Variants in BFSP1 observed in about 807,000 individuals in gnomAD.
The protein encoded by BFSP1 is beaded filament structural protein 1.
BFSP1 carries 38 observed loss-of-function variants against 43.9 expected under a neutral mutation model. The ratio of observed to expected loss-of-function variants is 0.87; its 90% confidence interval spans 0.67 to 1.14. The LOEUF is 1.14. Among genes scored for constraint, BFSP1 ranks in the 50% most tolerant of loss-of-function variants. The pLI, the probability that BFSP1 is intolerant of heterozygous loss-of-function variation, is 0.00. For synonymous variants in BFSP1, 352 were observed against 354.8 expected (o/e 0.99, Z 0.09); for missense variants, 850 against 875.1 (o/e 0.97, Z 0.36).
intron 1 of BFSP1, among the ~76,000 whole-genome samples, chr20:17,542,827 C>T (rs185877407): frequency 1.3e-5 from 2 of 152,266 alleles, no homozygotes; most frequent in Non-Finnish European, 2.9e-5. Context: ...GGTTTGTTTT[C>T]ATTTCTAGTT....
At chr20:17,536,747 A>G (rs992020062) in intron 1 of BFSP1, among the ~76,000 whole-genome samples, 3 of 152,198 alleles carry the variant, frequency 2.0e-5, no homozygotes, top group Admixed American at 1.3e-4. Flanking sequence ...AACAAAAGGT[A>G]ATGGAGGTAA....
At chr20:17,501,597 CA>C (rs11476559) in intron 5 of BFSP1, among the ~76,000 whole-genome samples, 5,546 of 70,168 alleles carry the variant, frequency 0.079, 194 homozygotes, top group East Asian at 0.26. Context: ...GAGACTCTGT[CA>C]AAAAAAAAAA....
chr20:17,539,167 G>GCCTCAC (rs2034677253), intron 1 of BFSP1, among the ~76,000 whole-genome samples: 1 of 128,328 alleles, frequency 7.8e-6, no homozygotes, highest in Non-Finnish European at 1.5e-5. Flanking sequence ...CTGAAGTGCA[G>GCCTCAC]TGGTACAATC....
upstream of BFSP1, among the ~76,000 whole-genome samples, chr20:17,562,526 CAAAAAAAA>C (rs550158623): frequency 2.1e-4 from 10 of 48,040 alleles, no homozygotes; most frequent in Admixed American, 5.9e-4. Flanking sequence ...GACTCTGTCT[CAAAAAAAA>C]AAAAAAAAAA....
At chr20:17,513,717 T>C (rs1457718455) in intron 3 of BFSP1, among the ~76,000 whole-genome samples, 1 of 152,170 alleles carries the variant, frequency 6.6e-6, no homozygotes, top group Non-Finnish European at 1.5e-5. Context: ...GAGAGAGGGA[T>C]CTGAGTGCAA....
upstream of BFSP1, among the ~76,000 whole-genome samples, chr20:17,534,277 C>A (rs1002977031): frequency 6.6e-6 from 1 of 152,184 alleles, no homozygotes; most frequent in African/African-American, 2.4e-5. Flanking sequence ...GGGGCAGGGA[C>A]AGGAAATGGA....
chr20:17,532,008 G>A (rs2034554102), upstream of BFSP1, among the ~76,000 whole-genome samples: 1 of 151,998 alleles, frequency 6.6e-6, no homozygotes, highest in Non-Finnish European at 1.5e-5. Flanking sequence ...AGTAATACCC[G>A]TGCATAAAAG....
At chr20:17,503,550 G>C (rs1237260123) in intron 5 of BFSP1, among the ~76,000 whole-genome samples, 2 of 152,158 alleles carry the variant, frequency 1.3e-5, no homozygotes, top group African/African-American at 4.8e-5. Flanking sequence ...GGGAAGGGCT[G>C]TCATTATTTC....
chr20:17,555,577 C>T (rs371429903), intron 1 of BFSP1, among the ~76,000 whole-genome samples: 114 of 152,054 alleles, frequency 7.5e-4, no homozygotes, highest in Middle Eastern at 3.4e-3. Flanking sequence ...CGCTTGAACC[C>T]GGGAGGCAGA....
At position 17,524,848 on chromosome 20, in the gene BFSP1, C is replaced by G. The variant is rs1490282272; in HGVS notation, c.438G>C (p.Lys146Asn). 2 of 1,613,896 alleles carry G rather than the reference C, an allele frequency of 1.2e-6. No individual in the cohort carries two copies. Among genetic ancestry groups the G allele is most frequent in the East Asian group, 2.2e-5 (1 of 44,904 alleles). Residue 146 changes from lysine to asparagine, a missense_variant and splice_region_variant, in exon 2 of 8, where the codon AAG becomes AAC. Lys to Asn is a moderately conservative substitution (Grantham distance 94). Transcript: ENST00000377873. ...AAACCCAAGGATGTGTTCCGCTCAC[C>G]TTGTTAAGCCGTTCAAGCATTTCTT... Reference protein sequence around the residue: ...LLKEMLERLNKEADEALLHNL... With the variant: ...LLKEMLERLNNEADEALLHNL...
intron 1 of BFSP1, among the ~76,000 whole-genome samples, chr20:17,529,424 G>A (rs924892951): frequency 2.6e-5 from 4 of 151,992 alleles, no homozygotes; most frequent in African/African-American, 9.7e-5. Flanking sequence ...TCTGTTAAAA[G>A]TCTCCTTCCC....
At chr20:17,531,487 G>T, upstream of BFSP1, 1 of 1,103,178 alleles carries the variant, frequency 9.1e-7, no homozygotes, top group Non-Finnish European at 1.1e-6. Context: ...GGGCCCGGGC[G>T]CGGGAGAAGA....
intron 5 of BFSP1, among the ~76,000 whole-genome samples, chr20:17,505,073 T>A (rs1423158952): frequency 6.6e-6 from 1 of 152,216 alleles, no homozygotes; most frequent in Non-Finnish European, 1.5e-5. Context: ...AGTGACTTTC[T>A]TTACTTCCCT....
At chr20:17,512,919 T>G (rs1041087750) in intron 3 of BFSP1, among the ~76,000 whole-genome samples, 1 of 152,056 alleles carries the variant, frequency 6.6e-6, no homozygotes, top group African/African-American at 2.4e-5. Flanking sequence ...GGGATGCTGA[T>G]CCCCTTTACC....
Position 17,494,918 on chromosome 20 carries a change from G to C in BFSP1, c.1154C>G (p.Ala385Gly). ...ACCTTTTAATGGTGCATCTTCCAGA[G>C]CTCCGTTGGTTTTGTCTTTTGTTAT... ...EIITKDKTNG[A>G]LEDAPLKGLE... Residue 385 changes from alanine (A) to glycine (G), a missense_variant, in exon 8 of 8, where the codon GCT becomes GGT. By Grantham distance (60) the Ala-to-Gly change is moderately conservative (BLOSUM62 0). Coordinates refer to ENST00000377873, the MANE Select transcript of BFSP1 (RefSeq NM_001195.5). 6.2e-7 allele frequency: 1 copy of C among 1,614,114 alleles called. No homozygotes were observed. The highest frequency in any genetic ancestry group is 8.5e-7 in the Non-Finnish European group (1 of 1,180,018).
upstream of BFSP1, among the ~76,000 whole-genome samples, chr20:17,560,976 CTT>C (rs561992047): frequency 9.7e-4 from 148 of 152,306 alleles, no homozygotes; most frequent in Non-Finnish European, 1.6e-3. Flanking sequence ...GAAAAACTCT[CTT>C]GTTTTTACAT....
chr20:17,539,331 C>T (rs2034679488), intron 1 of BFSP1, among the ~76,000 whole-genome samples: 1 of 151,716 alleles, frequency 6.6e-6, no homozygotes, highest in African/African-American at 2.4e-5. Context: ...CAGGTGGTCT[C>T]GAATTCCTGG....
chr20:17,528,277 C>T (rs558162172), intron 1 of BFSP1, among the ~76,000 whole-genome samples: 11 of 152,320 alleles, frequency 7.2e-5, no homozygotes, highest in Admixed American at 5.9e-4. Context: ...ATCACAGAGC[C>T]TGATGGAACT....
intron 1 of BFSP1, among the ~76,000 whole-genome samples, chr20:17,543,629 G>A (rs188756549): frequency 2.0e-3 from 310 of 152,086 alleles, no homozygotes; most frequent in African/African-American, 7.1e-3. Flanking sequence ...TCCAAGTTAT[G>A]CAACATTATT....
Sources: allele counts gnomAD v4.1 joint callset (sites outside exome capture counted in the v4.1 genomes callset), GRCh38; gene constraint gnomAD v4.1.1; transcripts MANE v1.5; gene names NCBI Gene and HGNC (gene_info 2026-07-23, HGNC 2026-07-21).